SDE2: variants seen among roughly 807,000 people sequenced by gnomAD.
The protein encoded by SDE2 is splicing regulator SDE2.
SDE2 carries 31 observed loss-of-function variants against 46.9 expected under a neutral mutation model. The observed-to-expected ratio is 0.66, with a 90% CI of 0.50 to 0.89. The LOEUF is 0.89. Among genes scored for constraint, SDE2 ranks in the 40% least tolerant of loss-of-function variants. The pLI, the probability that SDE2 is intolerant of heterozygous loss-of-function variation, is 0.00. For synonymous variants in SDE2, 205 were observed against 204.3 expected (o/e 1.00, Z -0.03); for missense variants, 542 against 564.4 (o/e 0.96, Z 0.40).
At position 225,984,511 on chromosome 1, in the gene SDE2, T is replaced by G. The variant is rs1450578937; in HGVS notation, c.*791A>C. ...GAAAAATAAAACCAAAGGTTGGTTC[T>G]TTAAAAGTTATATCGTCGGCCAGGC... On this transcript the variant is annotated 3_prime_UTR_variant, in exon 7 of 7. Transcript: ENST00000272091. The G allele has an allele frequency of 6.6e-6, 1 of 151,948 alleles. No individual in the cohort carries two copies. The highest frequency in any genetic ancestry group is 6.6e-5 in the Admixed American group (1 of 15,262). 9.4% of individuals were successfully genotyped at this position (151,948 alleles called of 1,614,324 possible). A position where few individuals can be genotyped will look rare whatever the true frequency, so the allele number is the denominator to read the frequency against.
intron 1 of SDE2, among the ~76,000 whole-genome samples, chr1:225,998,961 G>C (rs1656593146): frequency 6.6e-6 from 1 of 152,060 alleles, no homozygotes; most frequent in Admixed American, 6.5e-5. Flanking sequence ...CTAAGTGCCT[G>C]TAACAGTTTT....
intron 5 of SDE2, among the ~76,000 whole-genome samples, chr1:225,989,366 C>T (rs565827298): frequency 2.0e-5 from 3 of 148,818 alleles, no homozygotes; most frequent in African/African-American, 4.9e-5. Context: ...TGGTGGCTAA[C>T]GCCTGTAATC....
intron 4 of SDE2, 73 bp downstream of exon 4, chr1:225,992,325 C>T (rs72757014): frequency 0.085 from 87,445 of 1,034,558 alleles, 4,237 homozygotes; most frequent in Non-Finnish European, 0.1. Flanking sequence ...GCTCTTTGTG[C>T]GTAGTGTAGA....
rs1382919459 is a variant in SDE2 at position 225,983,503 on chromosome 1, A to C, written c.*1799T>G. 1 of 152,216 alleles carries C rather than the reference A, an allele frequency of 6.6e-6. No homozygotes were observed. Among genetic ancestry groups the C allele is most frequent in the Non-Finnish European group, 1.5e-5 (1 of 68,034 alleles). 9.4% of individuals were successfully genotyped at this position (152,216 alleles called of 1,614,324 possible). On this transcript the variant is annotated 3_prime_UTR_variant, in exon 7 of 7. Transcript: ENST00000272091. ...TCTGAACAATACTATCAACCACTTAATCTCATCGATATTACAAAACATATT... is the reference window on the plus strand; with the variant it reads ...TCTGAACAATACTATCAACCACTTACTCTCATCGATATTACAAAACATATT...
intron 4 of SDE2, 69 bp from the exon 5 acceptor site, chr1:225,991,432 G>A (rs1036875281): frequency 6.9e-6 from 9 of 1,306,116 alleles, no homozygotes; most frequent in African/African-American, 4.4e-5. Flanking sequence ...TAAATAACAT[G>A]GATTGCAAAA....
In SDE2 at chr1:225,985,247, T is replaced by C. The variant is rs1656243163; in HGVS notation, c.*55A>G. ...GAATACTGGTCAAGAGTCCACATTA[T>C]GCAGGTTGTAAATGGTAGACACTAT... On this transcript the variant is annotated 3_prime_UTR_variant, in exon 7 of 7. Transcript: ENST00000272091. 5 of 1,355,728 alleles carry C rather than the reference T, an allele frequency of 3.7e-6. No homozygotes were observed. The African/African-American group carries it at 4.3e-5, about 12-fold the overall frequency. The allele number at this position is 1,355,728 out of a possible 1,614,324, so 84.0% of individuals were successfully genotyped here. A position where few individuals can be genotyped will look rare whatever the true frequency, so the allele number is the denominator to read the frequency against.
intron 2 of SDE2, among the ~76,000 whole-genome samples, chr1:225,995,046 A>G (rs1656491407): frequency 6.6e-6 from 1 of 152,218 alleles, no homozygotes; most frequent in South Asian, 2.1e-4. Flanking sequence ...AGTGTCTCAA[A>G]AGAAAGAAAA....
chr1:225,986,102 G>A (rs928623178), intron 6 of SDE2, among the ~76,000 whole-genome samples: 2 of 152,096 alleles, frequency 1.3e-5, no homozygotes, highest in Admixed American at 1.3e-4. Context: ...GTGGAGGCAG[G>A]CGGAACACTT....
intron 1 of SDE2, among the ~76,000 whole-genome samples, chr1:225,998,185 A>G (rs1340746663): frequency 6.6e-6 from 1 of 152,252 alleles, no homozygotes; most frequent in Non-Finnish European, 1.5e-5. Context: ...TTATTTTCAA[A>G]GGAATTAGAA....
chr1:225,990,098 A>C (rs531667041), intron 5 of SDE2, among the ~76,000 whole-genome samples: 43 of 151,904 alleles, frequency 2.8e-4, no homozygotes, highest in South Asian at 2.3e-3. Flanking sequence ...AACACACACA[A>C]AAAAAACACC....
intron 4 of SDE2, among the ~76,000 whole-genome samples, chr1:225,992,182 G>A (rs1351211179): frequency 1.3e-5 from 2 of 151,684 alleles, no homozygotes; most frequent in Admixed American, 6.6e-5. Context: ...TCCGTTTTGG[G>A]GGGAAAAAAA....
intron 2 of SDE2, 30 bp downstream of exon 2, chr1:225,995,236 A>C: frequency 2.8e-6 from 3 of 1,054,084 alleles, no homozygotes; most frequent in Non-Finnish European, 2.9e-6. Context: ...CAAATGTGTT[A>C]CAACTAAGTA....
In SDE2 at chr1:225,992,247, G is replaced by C. The variant is rs891455631; in HGVS notation, c.520+151C>G. 1.1e-5 allele frequency: 6 copies of C among 548,050 alleles called. No homozygotes were observed. The African/African-American group carries it at 1.1e-4, about 10-fold the overall frequency. 33.9% of individuals were successfully genotyped at this position (548,050 alleles called of 1,614,324 possible). A position where few individuals can be genotyped will look rare whatever the true frequency, so the allele number is the denominator to read the frequency against. ...TTAAAAAAATACTGTGTTCATTTTTGAGGATAAAAGTGCCAAGGTTTTCAT... is the reference window on the plus strand; with the variant it reads ...TTAAAAAAATACTGTGTTCATTTTTCAGGATAAAAGTGCCAAGGTTTTCAT... On this transcript the variant is annotated intron_variant, in intron 4 of 6. Transcript: ENST00000272091.
intron 4 of SDE2, 113 bp downstream of exon 4, chr1:225,992,285 C>T (rs1656419661): frequency 1.5e-6 from 1 of 647,482 alleles, no homozygotes; most frequent in Non-Finnish European, 2.6e-6. Flanking sequence ...GATTCTCAGA[C>T]ATCTGTAACC....
chr1:225,988,478 C>T (rs889346326), intron 5 of SDE2, 90 bp from the exon 6 acceptor site: 36 of 1,385,952 alleles, frequency 2.6e-5, no homozygotes, highest in South Asian at 4.0e-5. Flanking sequence ...GGCCTGTAAT[C>T]CCAGGACTTT....
intron 1 of SDE2, among the ~76,000 whole-genome samples, chr1:225,996,398 A>T (rs1312290909): frequency 6.6e-6 from 1 of 152,224 alleles, no homozygotes; most frequent in Non-Finnish European, 1.5e-5. Flanking sequence ...ATATGAAGGC[A>T]GAAAGTATAC....
Position 225,983,688 on chromosome 1 carries a change from G to T in SDE2, c.*1614C>A, listed in dbSNP as rs1030976413. 1.3e-5 allele frequency: 2 copies of T among 151,970 alleles called. No homozygotes were observed. Among genetic ancestry groups the T allele is most frequent in the Admixed American group, 6.6e-5 (1 of 15,250 alleles). The allele number at this position is 151,970 out of a possible 1,614,324, so 9.4% of individuals were successfully genotyped here. ...ATCTCATGCTGGATTACAGGCATGA[G>T]CCACCACACCTGGCCTAAAATACGC... On this transcript the variant is annotated 3_prime_UTR_variant, in exon 7 of 7. Transcript: ENST00000272091.
rs367925084 is a variant in SDE2, at chr1:225,999,286, C to G, written c.27G>C (p.Trp9Cys). Reference protein sequence around the residue: MAEAAALVWIRGPGFGCKA... With the variant: MAEAAALVCIRGPGFGCKA... The stretch of plus-strand genomic sequence containing the variant: ...TGCACCCGAAGCCAGGGCCGCGAAT[C>G]CACACCAGCGCCGCGGCCTCCGCCA... Residue 9 changes from tryptophan to cysteine, a missense_variant, in exon 1 of 7, where the codon TGG (tryptophan) becomes TGC (cysteine). By Grantham distance (215) the Trp-to-Cys change is radical. Transcript: ENST00000272091. The G allele has an allele frequency of 3.5e-5, 57 of 1,612,248 alleles. No homozygotes were observed. The highest frequency in any genetic ancestry group is 1.6e-4 in the Middle Eastern group (1 of 6,082).
At chr1:225,988,795 G>A (rs1320553666) in intron 5 of SDE2, among the ~76,000 whole-genome samples, 1 of 152,172 alleles carries the variant, frequency 6.6e-6, no homozygotes, top group African/African-American at 2.4e-5. Flanking sequence ...CTGCTAGCTT[G>A]AGATGGAGAA....
Sources: allele counts gnomAD v4.1 joint callset (sites outside exome capture counted in the v4.1 genomes callset), GRCh38; gene constraint gnomAD v4.1.1; transcripts MANE v1.5; gene names NCBI Gene and HGNC (gene_info 2026-07-23, HGNC 2026-07-21).